Variants in CACNB2 observed in about 807,000 individuals in gnomAD.
CACNB2 encodes the protein voltage-dependent L-type calcium channel subunit beta-2.
In CACNB2, 42 loss-of-function variants were observed where a neutral mutation model predicts 73.3. The ratio of observed to expected loss-of-function variants is 0.57; its 90% CI spans 0.45 to 0.74. The LOEUF (loss-of-function observed/expected upper bound fraction) is 0.74. Ranked by LOEUF, CACNB2 falls within the 30% of genes least tolerant of loss-of-function variation. The pLI, the probability that CACNB2 is intolerant of heterozygous loss-of-function variation, is 0.00. For synonymous variants in CACNB2, 348 were observed against 310.3 expected (o/e 1.12, Z -1.28); for missense variants, 940 against 853.0 (o/e 1.10, Z -1.27).
intron 2 of CACNB2, among the ~76,000 whole-genome samples, chr10:18,230,406 A>C (rs575963145): frequency 2.6e-5 from 4 of 152,186 alleles, no homozygotes; most frequent in Non-Finnish European, 4.4e-5. Flanking sequence ...TATTAAACAC[A>C]TGAATATAAA....
intron 2 of CACNB2, among the ~76,000 whole-genome samples, chr10:18,397,647 G>T (rs2043780533): frequency 6.7e-6 from 1 of 148,360 alleles, no homozygotes. Context: ...GCCAGGAGAT[G>T]GAGGTTGCAG....
chr10:18,408,429 G>T (rs1247537352), intron 3 of CACNB2, among the ~76,000 whole-genome samples: 1 of 151,730 alleles, frequency 6.6e-6, no homozygotes, highest in Non-Finnish European at 1.5e-5. Flanking sequence ...AATAGAGACA[G>T]AGTTTCACCA....
At chr10:18,441,480 G>C (rs767037925) in intron 3 of CACNB2, among the ~76,000 whole-genome samples, 54 of 152,022 alleles carry the variant, frequency 3.6e-4, no homozygotes, top group Non-Finnish European at 6.8e-4. Context: ...ACTTTTGCTG[G>C]CTCCTAGCAA....
chr10:18,248,145 C>A (rs2036940240), intron 2 of CACNB2, among the ~76,000 whole-genome samples: 2 of 152,166 alleles, frequency 1.3e-5, no homozygotes, highest in South Asian at 4.1e-4. Context: ...AATTGAAATC[C>A]ACAAACTTTA....
At chr10:18,458,715 C>T (rs934727590) in intron 3 of CACNB2, among the ~76,000 whole-genome samples, 2 of 151,528 alleles carry the variant, frequency 1.3e-5, no homozygotes, top group African/African-American at 4.9e-5. Context: ...AATTCAAAGG[C>T]CTATGCATAC....
intron 2 of CACNB2, among the ~76,000 whole-genome samples, chr10:18,202,718 T>C (rs1433418861): frequency 1.3e-5 from 2 of 152,240 alleles, no homozygotes; most frequent in Non-Finnish European, 2.9e-5. Flanking sequence ...TCTCAGGTTC[T>C]ATTTTGGAAT....
rs57461028 is a variant in CACNB2 at position 18,210,523 on chromosome 10, C to A, written c.213+59548C>A. Reference sequence around the variant, plus strand: ...TAAATAGAATGTCGTAGTTAAGAACCCAGGGATTAGGGAGAAGACCTGGTT... The same window carrying A: ...TAAATAGAATGTCGTAGTTAAGAACACAGGGATTAGGGAGAAGACCTGGTT... On this transcript the variant is annotated intron_variant, in intron 2 of 13. Coordinates refer to ENST00000324631, the MANE Select transcript of CACNB2 (RefSeq NM_201596.3). Among the ~76,000 whole-genome samples, 3 of 151,844 alleles carry A rather than the reference C, an allele frequency of 2.0e-5. No individual in the cohort carries two copies. The East Asian group carries it at 5.8e-4, about 29-fold the overall frequency.
At chr10:18,205,856 C>T (rs918902053) in intron 2 of CACNB2, among the ~76,000 whole-genome samples, 7 of 151,616 alleles carry the variant, frequency 4.6e-5, no homozygotes, top group Non-Finnish European at 8.8e-5. Flanking sequence ...CCATCAGAGA[C>T]AGGAAGGCAT....
At chr10:18,255,876 G>C (rs1436693964) in intron 2 of CACNB2, among the ~76,000 whole-genome samples, 1 of 152,148 alleles carries the variant, frequency 6.6e-6, no homozygotes, top group Non-Finnish European at 1.5e-5. Context: ...GCTACAGAAG[G>C]CTTCTTTAGG....
rs571950224 is a variant in CACNB2 at position 18,231,071 on chromosome 10, AG to A, written c.213+80097del. 2.3e-3 allele frequency among the ~76,000 whole-genome samples: 347 copies of A among 152,354 alleles called. 1 individual carries two copies. Among genetic ancestry groups the A allele is most frequent in the African/African-American group, 8.2e-3 (340 of 41,576 alleles). The stretch of plus-strand genomic sequence containing the variant: ...TCTAATAGCATGTACAGAAAGAAGT[AG>A]CCCTGGCTAGGAATGGTCCACATGC... On this transcript the variant is annotated intron_variant, in intron 2 of 13. Coordinates refer to ENST00000324631, the MANE Select transcript of CACNB2 (RefSeq NM_201596.3).
At chr10:18,147,379 T>A (rs1397277172) in intron 1 of CACNB2, among the ~76,000 whole-genome samples, 1 of 152,148 alleles carries the variant, frequency 6.6e-6, no homozygotes, top group Non-Finnish European at 1.5e-5. Flanking sequence ...AATATAAATA[T>A]AAGAGTTTTT....
chr10:18,248,478 C>T (rs1268541672), intron 2 of CACNB2, among the ~76,000 whole-genome samples: 1 of 152,100 alleles, frequency 6.6e-6, no homozygotes, highest in Non-Finnish European at 1.5e-5. Flanking sequence ...TTGAGAAGAA[C>T]TTTTTCTGTT....
chr10:18,530,529 A>G (rs2052902967), intron 10 of CACNB2, among the ~76,000 whole-genome samples: 1 of 146,214 alleles, frequency 6.8e-6, no homozygotes, highest in Non-Finnish European at 1.5e-5. Context: ...AAAAAAAAAA[A>G]TGCAGTTGGG....
At chr10:18,191,130 G>C (rs929834639) in intron 2 of CACNB2, among the ~76,000 whole-genome samples, 2 of 152,208 alleles carry the variant, frequency 1.3e-5, no homozygotes, top group Non-Finnish European at 2.9e-5. Context: ...AACAATATTA[G>C]GAGGAAGAAA....
intron 2 of CACNB2, among the ~76,000 whole-genome samples, chr10:18,381,806 C>T (rs1373370129): frequency 6.6e-6 from 1 of 151,720 alleles, no homozygotes; most frequent in African/African-American, 2.4e-5. Context: ...TCATGCTGTA[C>T]CCACAGAAAC....
At chr10:18,224,780 G>T (rs529404249) in intron 2 of CACNB2, among the ~76,000 whole-genome samples, 28 of 152,270 alleles carry the variant, frequency 1.8e-4, no homozygotes, top group South Asian at 4.2e-4. Context: ...GGCTTTTACG[G>T]CCTGCCGAGC....
chr10:18,417,360 C>A (rs914902518), intron 3 of CACNB2, among the ~76,000 whole-genome samples: 3 of 87,010 alleles, frequency 3.4e-5, no homozygotes, highest in Admixed American at 1.5e-4. Flanking sequence ...GCTAAAAATT[C>A]TTTTTTTTTT....
chr10:18,515,142 G>A, intron 7 of CACNB2: 2 of 940,316 alleles, frequency 2.1e-6, no homozygotes, highest in Non-Finnish European at 3.4e-6. Context: ...TGCAGCCAGT[G>A]GTCATGCGTA....
chr10:18,412,647 A>G lies in CACNB2; in HGVS notation c.333+10604A>G, dbSNP rs529021237. ...CTCTGCTAAGTCACTTTTGTCTTGCAGGTGCTGGTACACACAAAGTCTACT... is the reference window on the plus strand; with the variant it reads ...CTCTGCTAAGTCACTTTTGTCTTGCGGGTGCTGGTACACACAAAGTCTACT... On this transcript the variant is annotated intron_variant, in intron 3 of 13. Transcript: ENST00000324631. Among the ~76,000 whole-genome samples the G allele has an allele frequency of 4.6e-5, 7 of 152,220 alleles. 1 individual carries two copies. Among genetic ancestry groups the G allele is most frequent in the Admixed American group, 3.3e-4 (5 of 15,280 alleles).
Sources: gnomAD v4.1 joint callset for allele counts (sites outside exome capture counted in the v4.1 genomes callset) on GRCh38, gnomAD v4.1.1 for gene constraint, MANE v1.5 for transcripts, NCBI Gene and HGNC (gene_info 2026-07-23, HGNC 2026-07-21) for gene names.